Variants in RELN observed in about 807,000 individuals in gnomAD.
RELN encodes the protein reelin.
RELN carries 108 observed loss-of-function variants against 427.6 expected under a neutral mutation model. The observed-to-expected ratio is 0.25, with a 90% CI of 0.22 to 0.30. RELN has a LOEUF of 0.30. RELN is among the 10% of genes least tolerant of loss of function. The pLI is 1.00. For synonymous variants in RELN, 1,524 were observed against 1,513.4 expected, an observed-to-expected ratio of 1.01 and a Z score of -0.16; for missense variants, 3,715 against 4,302.8, an observed-to-expected ratio of 0.86 and a Z score of 3.82.
At chr7:103,669,537 A>T (rs963346943) in intron 11 of RELN, among the ~76,000 whole-genome samples, 7 of 152,146 alleles carry the variant, frequency 4.6e-5, no homozygotes, top group African/African-American at 1.7e-4. Context: ...CAAGGTCACA[A>T]AGTTGTGGTC....
At chr7:103,884,344 G>C (rs149415274) in intron 2 of RELN, among the ~76,000 whole-genome samples, 518 of 152,278 alleles carry the variant, frequency 3.4e-3, no homozygotes, top group Middle Eastern at 0.014. Flanking sequence ...AGAAAACTTA[G>C]GCAATACCAT....
In RELN at chr7:103,824,627, A is replaced by T. The variant is rs1313851520; in HGVS notation, c.473+8910T>A. 3.1e-5 allele frequency among the ~76,000 whole-genome samples: 4 copies of T among 130,896 alleles called. No homozygotes were observed. The highest frequency in any genetic ancestry group is 5.9e-5 in the African/African-American group (2 of 33,978). The allele number at this position is 130,896 out of a possible 152,430, so 85.9% of individuals were successfully genotyped here. A position where few individuals can be genotyped will look rare whatever the true frequency, so the allele number is the denominator to read the frequency against. ...GTGTTTTCACTTTCTTTCAAAACAGAGTGTGTGTGTGTGTGTGTGTGTGTG... is the reference window on the plus strand; with the variant it reads ...GTGTTTTCACTTTCTTTCAAAACAGTGTGTGTGTGTGTGTGTGTGTGTGTG... On this transcript the variant is annotated intron_variant, in intron 3 of 64. Coordinates refer to ENST00000428762, the MANE Select transcript of RELN (RefSeq NM_005045.4). The surrounding 1 kb of genome is among the most constrained non-coding windows in gnomAD (Gnocchi z 4.4).
At chr7:103,935,047 C>T (rs918730663) in intron 1 of RELN, among the ~76,000 whole-genome samples, 3 of 152,174 alleles carry the variant, frequency 2.0e-5, no homozygotes, top group African/African-American at 7.2e-5. Context: ...TTCTTTAGCA[C>T]AAGACCTGGA....
intron 6 of RELN, among the ~76,000 whole-genome samples, chr7:103,729,608 G>C (rs1189247886): frequency 6.6e-6 from 1 of 152,060 alleles, no homozygotes; most frequent in Non-Finnish European, 1.5e-5. Flanking sequence ...ATCTTCCCTT[G>C]GTTACTGTGA....
Position 103,630,008 on chromosome 7 carries a change from C to A in RELN, c.2634G>T (p.Glu878Asp), listed in dbSNP as rs1832416474. 6.2e-7 allele frequency: 1 copy of A among 1,613,866 alleles called. No individual in the cohort carries two copies. The highest frequency in any genetic ancestry group is 8.5e-7 in the Non-Finnish European group (1 of 1,179,852). ...GGTAGAATCCCAGAGACTGAGTGAC[C>A]TCCACAAGATTGGTAAAGTCAAGAC... ...SISLDFTNLV[E>D]VTQSLGFYLG... The change falls in exon 20 of 65, where the codon GAG becomes GAT. Residue 878 changes from glutamate (E) to aspartate (D), a missense_variant. By Grantham distance (45) the Glu-to-Asp change is conservative. Around this residue, in one of 4 missense-constraint regions of RELN, gnomAD observed 2,208 missense variants for 2,361.7 expected, o/e 0.93. Transcript: ENST00000428762.
chr7:103,496,638 G>A lies in RELN; in HGVS notation c.9081C>T (p.Ile3027=), dbSNP rs1828850145. ...TRLRWWQPFV[I]SNGIVVSGVE... ...CCCCAGAGACCACAATTCCATTGCT[G>A]ATCACAAAAGGCTGCCACCAGCGAA... Residue 3027 remains isoleucine (I), a synonymous_variant, in exon 56 of 65, where the codon ATC becomes ATT. Coordinates refer to ENST00000428762, the MANE Select transcript of RELN (RefSeq NM_005045.4). 2.5e-6 allele frequency: 4 copies of A among 1,614,154 alleles called. No individual in the cohort carries two copies. In the South Asian group the frequency reaches 4.4e-5, roughly 18 times the overall value.
At chr7:103,828,433 G>T (rs1235086428) in intron 3 of RELN, among the ~76,000 whole-genome samples, 1 of 151,698 alleles carries the variant, frequency 6.6e-6, no homozygotes, top group Admixed American at 6.6e-5. Context: ...TTCATTATTT[G>T]TCCATGCTCA....
intron 14 of RELN, among the ~76,000 whole-genome samples, 161 bp from the exon 15 acceptor site, chr7:103,651,950 A>C (rs1343351817): frequency 6.6e-6 from 1 of 152,134 alleles, no homozygotes; most frequent in Non-Finnish European, 1.5e-5. Context: ...CTTTCACTAA[A>C]GTCTGACCAG....
intron 27 of RELN, among the ~76,000 whole-genome samples, chr7:103,592,980 C>T (rs1307514863): frequency 6.6e-6 from 1 of 152,170 alleles, no homozygotes; most frequent in African/African-American, 2.4e-5. Flanking sequence ...TGCCTATAAA[C>T]ATCTGATCTC....
intron 11 of RELN, 80 bp from the exon 12 acceptor site, chr7:103,661,607 G>A: frequency 8.1e-7 from 1 of 1,238,986 alleles, no homozygotes; most frequent in Middle Eastern, 2.2e-4. Context: ...AGTTTTTAGT[G>A]AGGGACACTT....
rs143054156 is a variant in RELN at position 103,673,297 on chromosome 7, C to T, written c.1289+8819G>A. 3.0e-3 allele frequency among the ~76,000 whole-genome samples: 454 copies of T among 152,046 alleles called. 1 individual carries two copies. The highest frequency in any genetic ancestry group is 0.011 in the African/African-American group (439 of 41,498). On this transcript the variant is annotated intron_variant, in intron 11 of 64. Coordinates refer to ENST00000428762, the MANE Select transcript of RELN (RefSeq NM_005045.4). ...TATCTGGCTTATCTATTTTTTAACA[C>T]ACATATTTATATTTTATTTAAAGTT...
chr7:103,948,275 A>G (rs1352849945), intron 1 of RELN, among the ~76,000 whole-genome samples: 1 of 152,218 alleles, frequency 6.6e-6, no homozygotes, highest in East Asian at 1.9e-4. Context: ...GCTGGTGAAC[A>G]CACACATGCA....
chr7:103,904,008 C>T (rs1422219858), intron 2 of RELN, among the ~76,000 whole-genome samples: 4 of 152,056 alleles, frequency 2.6e-5, no homozygotes, highest in Non-Finnish European at 5.9e-5. Context: ...TACCTTCACT[C>T]CCCACCCCCG....
At chr7:103,488,183 G>T (rs905749051) in intron 60 of RELN, among the ~76,000 whole-genome samples, 5 of 152,106 alleles carry the variant, frequency 3.3e-5, no homozygotes, top group African/African-American at 9.7e-5. Context: ...ATGAAGCTGG[G>T]ATAAATAAAT....
intron 26 of RELN, 85 bp downstream of exon 26, chr7:103,594,236 C>T (rs1831486346): frequency 7.6e-7 from 1 of 1,317,386 alleles, no homozygotes; most frequent in Admixed American, 1.7e-5. Flanking sequence ...CAGTGTCAAG[C>T]ACTAAATCCT....
At chr7:103,948,931 A>G (rs907798794) in intron 1 of RELN, among the ~76,000 whole-genome samples, 13 of 148,902 alleles carry the variant, frequency 8.7e-5, no homozygotes, top group African/African-American at 3.0e-4. Flanking sequence ...AGGAGGATCA[A>G]TTGAGCCTGG....
intron 3 of RELN, 99 bp from the exon 4 acceptor site, chr7:103,776,726 G>C: frequency 8.5e-7 from 1 of 1,178,300 alleles, no homozygotes; most frequent in Non-Finnish European, 1.2e-6. Context: ...AAACTTTATT[G>C]TGTGGATATG....
At chr7:103,665,360 GTGTATATA>G (rs143684256) in intron 11 of RELN, among the ~76,000 whole-genome samples, 3,129 of 142,130 alleles carry the variant, frequency 0.022, 112 homozygotes, top group African/African-American at 0.08. Flanking sequence ...GTGTGTGTGT[GTGTATATA>G]TATATATATA....
chr7:103,963,341 G>A (rs929431813), intron 1 of RELN, among the ~76,000 whole-genome samples: 3 of 151,952 alleles, frequency 2.0e-5, no homozygotes, highest in Non-Finnish European at 2.9e-5. Flanking sequence ...ATGATCTTAC[G>A]TCACCCTCTG....
Sources: allele counts gnomAD v4.1 joint callset (sites outside exome capture counted in the v4.1 genomes callset), GRCh38; gene constraint gnomAD v4.1.1; regional missense constraint gnomAD v4.1.1; non-coding constraint Gnocchi (gnomAD v3.1); transcripts MANE v1.5; gene names NCBI Gene and HGNC (gene_info 2026-07-23, HGNC 2026-07-21).